The following LRRFIP1 variants were observed in gnomAD, a reference collection of about 807,000 sequenced individuals.
The protein encoded by LRRFIP1 is leucine-rich repeat flightless-interacting protein 1.
LRRFIP1 carries 62 observed loss-of-function variants against 104.4 expected under a neutral mutation model. That is an observed-to-expected ratio of 0.59 (90% confidence interval 0.48 to 0.73). The LOEUF is 0.73. Ranked by LOEUF, LRRFIP1 falls within the 30% of genes least tolerant of loss-of-function variation. The pLI, the probability that LRRFIP1 is intolerant of heterozygous loss-of-function variation, is 0.00. For missense variants in LRRFIP1, 796 were observed against 824.5 expected (o/e 0.97, Z 0.42); for synonymous variants, 300 against 299.0 (o/e 1.00, Z -0.03).
intron 11 of LRRFIP1, among the ~76,000 whole-genome samples, chr2:237,740,344 A>G (rs982917019): frequency 6.6e-6 from 1 of 151,880 alleles, no homozygotes; most frequent in Non-Finnish European, 1.5e-5. Flanking sequence ...TGAGCCCAGG[A>G]GTTCGAGGTT....
chr2:237,681,381 T>C (rs984685758), intron 1 of LRRFIP1, among the ~76,000 whole-genome samples: 5 of 152,184 alleles, frequency 3.3e-5, no homozygotes, highest in Non-Finnish European at 7.3e-5. Context: ...TTTTTTTCTT[T>C]TTTGAGATGG....
intron 15 of LRRFIP1, among the ~76,000 whole-genome samples, chr2:237,754,118 T>G (rs1425298342): frequency 6.6e-6 from 1 of 152,206 alleles, no homozygotes; most frequent in Admixed American, 6.5e-5. Flanking sequence ...CATGCTCAGA[T>G]AAGGTGCGAT....
chr2:237,769,063 G>A (rs879485547), intron 19 of LRRFIP1: 1 of 152,252 alleles, frequency 6.6e-6, no homozygotes, highest in Non-Finnish European at 1.5e-5. Flanking sequence ...TATAGAAGGA[G>A]GCTATGATGA....
Position 237,661,382 on chromosome 2 carries a change from C to T in LRRFIP1, c.96+33642C>T, listed in dbSNP as rs2087917577. Among the ~76,000 whole-genome samples the T allele has an allele frequency of 6.6e-6, 1 of 152,172 alleles. No homozygotes were observed. The highest frequency in any genetic ancestry group is 2.4e-5 in the African/African-American group (1 of 41,444). ...ACCATGCCTGCCAGTCCCTCTCCTCCTTAGAGCACAAGCCCTCTGATGCTC... is the reference window on the plus strand; with the variant it reads ...ACCATGCCTGCCAGTCCCTCTCCTCTTTAGAGCACAAGCCCTCTGATGCTC... On this transcript the variant is annotated intron_variant, in intron 1 of 23. Coordinates refer to ENST00000308482, the MANE Select transcript of LRRFIP1 (RefSeq NM_001137550.2). This position sits in a 1 kb window ranked among gnomAD's most constrained non-coding sequence, Gnocchi z 4.4.
intron 10 of LRRFIP1, 95 bp from the exon 11 acceptor site, chr2:237,739,137 A>G: frequency 8.2e-6 from 9 of 1,101,112 alleles, no homozygotes; most frequent in African/African-American, 1.5e-5. Context: ...CACTTACTGC[A>G]GCATGTTTTC....
intron 3 of LRRFIP1, among the ~76,000 whole-genome samples, chr2:237,715,615 G>A (rs1467367202): frequency 2.0e-5 from 3 of 152,236 alleles, no homozygotes; most frequent in African/African-American, 2.4e-5. Context: ...TGTAGTAAAG[G>A]TGTGCCCAGG....
intron 1 of LRRFIP1, among the ~76,000 whole-genome samples, chr2:237,695,655 C>G (rs1044765813): frequency 6.6e-6 from 1 of 152,182 alleles, no homozygotes; most frequent in Non-Finnish European, 1.5e-5. Flanking sequence ...CTTCACCAAT[C>G]AGTAAGTCCA....
At chr2:237,721,520 A>T (rs2150186360) in intron 6 of LRRFIP1, 1 of 152,344 alleles carries the variant, frequency 6.6e-6, no homozygotes, top group South Asian at 2.1e-4. Context: ...AATTAACCTG[A>T]GCATGTCAGT....
intron 11 of LRRFIP1, among the ~76,000 whole-genome samples, chr2:237,744,101 C>T (rs1373745477): frequency 1.3e-5 from 2 of 152,182 alleles, no homozygotes; most frequent in African/African-American, 2.4e-5. Flanking sequence ...GGTGGAAAAA[C>T]GGGTCTTGAA....
intron 1 of LRRFIP1, among the ~76,000 whole-genome samples, chr2:237,647,816 GCCCTGTCGCCCTGT>G (rs2085217614): frequency 6.6e-6 from 1 of 151,510 alleles, no homozygotes; most frequent in Admixed American, 6.6e-5. Flanking sequence ...GCAGGGTCAC[GCCCTGTCGCCCTGT>G]GGCCGGCCAC....
chr2:237,727,906 T>A lies in LRRFIP1; in HGVS notation c.415T>A (p.Ser139Thr). The change falls in exon 8 of 24, where the codon TCA (serine) becomes ACA (threonine). Residue 139 changes from serine to threonine, a missense_variant. By Grantham distance (58) the Ser-to-Thr change is moderately conservative. Transcript: ENST00000308482. Reference protein sequence around the residue: ...TNGYDGELYGSQSLNRRSGRP... With the variant: ...TNGYDGELYGTQSLNRRSGRP... ...TGGTTATGATGGAGAATTGTATGGA[T>A]CACAGTCCCTGAATAGAAGATCTGG... 6.2e-7 allele frequency: 1 copy of A among 1,612,144 alleles called. No individual in the cohort carries two copies. Among genetic ancestry groups the A allele is most frequent in the East Asian group, 2.2e-5 (1 of 44,834 alleles).
At chr2:237,723,488 T>C in intron 6 of LRRFIP1, 60 bp from the exon 7 acceptor site, 1 of 1,558,314 alleles carries the variant, frequency 6.4e-7, no homozygotes, top group South Asian at 1.1e-5. Flanking sequence ...AGCTTTTAAA[T>C]TTACTTTTGG....
At chr2:237,646,196 C>G (rs767156981) in intron 1 of LRRFIP1, among the ~76,000 whole-genome samples, 2 of 151,776 alleles carry the variant, frequency 1.3e-5, no homozygotes, top group Non-Finnish European at 2.9e-5. Flanking sequence ...TGGAAATTTA[C>G]TAGCTATTTT....
intron 8 of LRRFIP1, among the ~76,000 whole-genome samples, chr2:237,729,335 A>G (rs925780128): frequency 1.3e-5 from 2 of 152,238 alleles, no homozygotes; most frequent in Non-Finnish European, 1.5e-5. Flanking sequence ...GCAGGCTGTC[A>G]CACTCCACCC....
chr2:237,634,083 G>A (rs1248240623), intron 1 of LRRFIP1, among the ~76,000 whole-genome samples: 1 of 152,140 alleles, frequency 6.6e-6, no homozygotes, highest in Non-Finnish European at 1.5e-5. Flanking sequence ...AGTAGGCTGG[G>A]CAGTCCTTTT....
At chr2:237,665,786 C>T (rs2089109405) in intron 1 of LRRFIP1, among the ~76,000 whole-genome samples, 2 of 152,188 alleles carry the variant, frequency 1.3e-5, no homozygotes, top group East Asian at 1.9e-4. Context: ...CATGGGCATC[C>T]CTTACTGTTC....
In LRRFIP1 at chr2:237,763,158, C is replaced by G. The variant is rs2060038372; in HGVS notation, c.1459+2953C>G. 4 of 1,614,060 alleles carry G rather than the reference C, an allele frequency of 2.5e-6. No individual in the cohort carries two copies. The highest frequency in any genetic ancestry group is 1.7e-5 in the Admixed American group (1 of 60,012). On this transcript the variant is annotated intron_variant, in intron 19 of 23. Transcript: ENST00000308482. The stretch of plus-strand genomic sequence containing the variant: ...AAAGAATTCACCAACCAGGAAGCAG[C>G]TGAGCCCAAGGAGGTTCCAGCGCAC...
chr2:237,732,074 AAAATT>A (rs1484766501), intron 8 of LRRFIP1, among the ~76,000 whole-genome samples: 2 of 152,298 alleles, frequency 1.3e-5, no homozygotes, highest in Admixed American at 6.5e-5. Context: ...AATATCAACT[AAAATT>A]AAATATTTTT....
chr2:237,659,442 C>A (rs185364903), intron 1 of LRRFIP1, among the ~76,000 whole-genome samples: 272 of 151,908 alleles, frequency 1.8e-3, no homozygotes, highest in Admixed American at 3.4e-3. Flanking sequence ...GAGAGCAAAC[C>A]ATGTGGAATA....
Sources: gnomAD v4.1 joint callset for allele counts (sites outside exome capture counted in the v4.1 genomes callset) on GRCh38, gnomAD v4.1.1 for gene constraint, Gnocchi (gnomAD v3.1) non-coding constraint, MANE v1.5 for transcripts, NCBI Gene and HGNC (gene_info 2026-07-23, HGNC 2026-07-21) for gene names.